MOB1B: variants seen among roughly 807,000 people sequenced by gnomAD.
MOB1B encodes the protein MOB1 Mps One Binder homolog B.
A neutral mutation model predicts 24.4 loss-of-function variants in MOB1B; 19 were observed. The ratio of observed to expected loss-of-function variants is 0.78; its 90% CI spans 0.54 to 1.14. The LOEUF is 1.14. Ranked by LOEUF, MOB1B falls within the 50% of genes most tolerant of loss-of-function variation. The probability of loss-of-function intolerance (pLI) is 0.00; values close to 1 mark genes in which losing one functional copy is unlikely to be tolerated. For synonymous variants in MOB1B, 76 were observed against 82.1 expected (o/e 0.93, Z 0.40); for missense variants, 243 against 259.6 (o/e 0.94, Z 0.44).
chr4:70,942,010 A>G (rs1204563340), intron 1 of MOB1B, among the ~76,000 whole-genome samples: 1 of 152,168 alleles, frequency 6.6e-6, no homozygotes, highest in Non-Finnish European at 1.5e-5. Context: ...TATCAATCTT[A>G]GCTAATATTT....
At chr4:70,941,399 TGTG>T (rs914310148) in intron 1 of MOB1B, among the ~76,000 whole-genome samples, 1 of 152,198 alleles carries the variant, frequency 6.6e-6, no homozygotes, top group African/African-American at 2.4e-5. Flanking sequence ...TGGAGTGCAA[TGTG>T]GTGATCTCGG....
intron 1 of MOB1B, among the ~76,000 whole-genome samples, chr4:70,921,479 TCTCTC>T (rs1736434011): frequency 3.0e-5 from 3 of 101,410 alleles, no homozygotes; most frequent in African/African-American, 3.6e-5. Flanking sequence ...TCTCTTCTCT[TCTCTC>T]CCCTCCCCTC....
At chr4:70,910,912 A>G (rs1735956921) in intron 1 of MOB1B, among the ~76,000 whole-genome samples, 1 of 151,878 alleles carries the variant, frequency 6.6e-6, no homozygotes, top group Non-Finnish European at 1.5e-5. Context: ...CTCAGCCTCC[A>G]GAATAGCTGG....
At chr4:70,918,981 A>C (rs1736310310) in intron 1 of MOB1B, among the ~76,000 whole-genome samples, 1 of 152,128 alleles carries the variant, frequency 6.6e-6, no homozygotes, top group Non-Finnish European at 1.5e-5. Flanking sequence ...TGCAGCCATA[A>C]AAAATGATGA....
At chr4:70,917,821 T>C (rs1488680776) in intron 1 of MOB1B, among the ~76,000 whole-genome samples, 1 of 152,236 alleles carries the variant, frequency 6.6e-6, no homozygotes, top group African/African-American at 2.4e-5. Flanking sequence ...CTTTAATTAT[T>C]TTCCCAGGAA....
At chr4:70,973,039 C>T (rs1030688525) in intron 3 of MOB1B, among the ~76,000 whole-genome samples, 2 of 152,184 alleles carry the variant, frequency 1.3e-5, no homozygotes, top group African/African-American at 2.4e-5. Context: ...TCCCAAAGTG[C>T]TGGCATTACA....
intron 1 of MOB1B, among the ~76,000 whole-genome samples, chr4:70,928,719 G>A (rs995238073): frequency 3.9e-5 from 6 of 152,218 alleles, no homozygotes; most frequent in Admixed American, 1.3e-4. Context: ...GCACAGAAGA[G>A]TTTAGAATAC....
intron 1 of MOB1B, among the ~76,000 whole-genome samples, chr4:70,926,063 C>T (rs571326110): frequency 3.3e-5 from 5 of 152,292 alleles, no homozygotes; most frequent in African/African-American, 1.2e-4. Context: ...TCTCAGCTCA[C>T]TGCAACCTCA....
intron 1 of MOB1B, among the ~76,000 whole-genome samples, chr4:70,903,565 A>T (rs1397916725): frequency 6.6e-6 from 1 of 152,304 alleles, no homozygotes; most frequent in African/African-American, 2.4e-5. Flanking sequence ...CTAATAAAAA[A>T]CTTAGAAGTT....
chr4:70,902,215 G>C (rs1333422957), upstream of MOB1B: 5 of 506,978 alleles, frequency 9.9e-6, no homozygotes, highest in Non-Finnish European at 1.4e-5. Context: ...GGAGGGCCGG[G>C]GTGGGCTTGC....
intron 1 of MOB1B, among the ~76,000 whole-genome samples, chr4:70,953,934 ACT>A (rs774902220): frequency 6.6e-6 from 1 of 152,068 alleles, no homozygotes; most frequent in Non-Finnish European, 1.5e-5. Flanking sequence ...ACAGAGCAAG[ACT>A]CTGTCTTAAA....
intron 4 of MOB1B, among the ~76,000 whole-genome samples, chr4:70,977,886 C>T (rs1162890076): frequency 4.6e-5 from 7 of 152,066 alleles, no homozygotes; most frequent in Non-Finnish European, 1.5e-5. Context: ...GGCAAGGAGC[C>T]ACTATGTTGC....
chr4:70,924,857 A>C (rs894876661), intron 1 of MOB1B, among the ~76,000 whole-genome samples: 2 of 152,190 alleles, frequency 1.3e-5, no homozygotes, highest in African/African-American at 4.8e-5. Flanking sequence ...TCCATGGTGT[A>C]TATGTGCCAC....
chr4:70,910,426 T>G (rs891926658), intron 1 of MOB1B, among the ~76,000 whole-genome samples: 1 of 151,758 alleles, frequency 6.6e-6, no homozygotes, highest in Non-Finnish European at 1.5e-5. Context: ...TGTATATACA[T>G]ATATACACAC....
chr4:70,967,093 G>A (rs1404511349), intron 2 of MOB1B, among the ~76,000 whole-genome samples: 2 of 151,630 alleles, frequency 1.3e-5, no homozygotes, highest in Non-Finnish European at 2.9e-5. Context: ...TCTTAATTTA[G>A]GAAAGAGTCA....
intron 2 of MOB1B, among the ~76,000 whole-genome samples, chr4:70,962,720 C>T (rs988896208): frequency 3.9e-5 from 6 of 152,142 alleles, no homozygotes; most frequent in South Asian, 2.1e-4. Context: ...TTTAAGAGGC[C>T]GGGCACGGTG....
At chr4:70,958,849 C>CTTTTTTTTTTT in intron 1 of MOB1B, 25 bp from the exon 2 acceptor site, 1 of 1,554,016 alleles carries the variant, frequency 6.4e-7, no homozygotes, top group Non-Finnish European at 8.8e-7. Context: ...ATATTAAACC[C>CTTTTTTTTTTT]TTTTTTTTTC....
Position 70,910,953 on chromosome 4 carries a change from A to C in MOB1B, c.14+8403A>C, listed in dbSNP as rs182055935. 2.5e-3 allele frequency among the ~76,000 whole-genome samples: 382 copies of C among 152,206 alleles called. 1 individual carries two copies. The highest frequency in any genetic ancestry group is 5.2e-3 in the South Asian group (25 of 4,822). On this transcript the variant is annotated intron_variant, in intron 1 of 5. Transcript: ENST00000309395. ...CAGGTGCCCGCCACCACGCCTGGCT[A>C]ATTTTTGTACTTTTAGTATGGATGG...
At chr4:70,940,802 G>A (rs919605291) in intron 1 of MOB1B, among the ~76,000 whole-genome samples, 2 of 151,094 alleles carry the variant, frequency 1.3e-5, no homozygotes, top group African/African-American at 2.4e-5. Context: ...TCAGCCTCCC[G>A]AGTAGCTGGG....
Sources: gnomAD v4.1 joint callset for allele counts (sites outside exome capture counted in the v4.1 genomes callset) on GRCh38, gnomAD v4.1.1 for gene constraint, MANE v1.5 for transcripts, NCBI Gene and HGNC (gene_info 2026-07-23, HGNC 2026-07-21) for gene names.